FUT8: variants seen among roughly 807,000 people sequenced by gnomAD.
FUT8 encodes alpha-(1,6)-fucosyltransferase.
A neutral mutation model predicts 71.3 loss-of-function variants in FUT8; 29 were observed. That is an observed-to-expected ratio of 0.41 (90% CI 0.30 to 0.55). FUT8 has a LOEUF of 0.55. FUT8 is among the 20% of genes least tolerant of loss of function. FUT8 has a pLI of 0.34. For missense variants in FUT8, 544 were observed against 702.1 expected (o/e 0.77, Z 2.55); for synonymous variants, 254 against 239.3 (o/e 1.06, Z -0.57).
intron 9 of FUT8, among the ~76,000 whole-genome samples, chr14:65,727,966 C>T (rs1895768534): frequency 6.6e-6 from 1 of 152,204 alleles, no homozygotes; most frequent in South Asian, 2.1e-4. Flanking sequence ...CTGCCAGTCT[C>T]TTTGCTAAAA....
At chr14:65,544,430 A>C (rs944277086) in intron 2 of FUT8, among the ~76,000 whole-genome samples, 2 of 152,160 alleles carry the variant, frequency 1.3e-5, no homozygotes, top group African/African-American at 4.8e-5. Context: ...GGTGCCAATC[A>C]AGTATATATT....
At chr14:65,381,442 C>T in the FUT8 span, among the ~76,000 whole-genome samples, 1 of 152,198 alleles carries the variant, frequency 6.6e-6, no homozygotes, top group Non-Finnish European at 1.5e-5. Flanking sequence ...ATTTTTGCTT[C>T]TTATTCCATC....
chr14:65,711,538 T>C (rs986979274), intron 7 of FUT8, among the ~76,000 whole-genome samples: 2 of 152,210 alleles, frequency 1.3e-5, no homozygotes, highest in South Asian at 2.1e-4. Flanking sequence ...TTCTTCTTTT[T>C]CTTACATGCA....
At chr14:65,633,011 C>T (rs1331973814) in intron 6 of FUT8, among the ~76,000 whole-genome samples, 1 of 146,570 alleles carries the variant, frequency 6.8e-6, no homozygotes, top group Non-Finnish European at 1.5e-5. Flanking sequence ...CCCTCCCCCC[C>T]CCCGTCTCCC....
At chr14:65,609,175 G>C (rs1197970116) in intron 3 of FUT8, among the ~76,000 whole-genome samples, 1 of 151,394 alleles carries the variant, frequency 6.6e-6, no homozygotes, top group East Asian at 1.9e-4. Flanking sequence ...CGCTCCTGTA[G>C]TCCCAGCTAC....
intron 6 of FUT8, among the ~76,000 whole-genome samples, chr14:65,648,595 G>GT (rs1566873907): frequency 6.6e-6 from 1 of 152,172 alleles, no homozygotes; most frequent in Non-Finnish European, 1.5e-5. Context: ...ATGTAGTCAT[G>GT]TTACCGATGA....
At chr14:65,579,403 C>T (rs955748643) in intron 3 of FUT8, among the ~76,000 whole-genome samples, 1 of 152,038 alleles carries the variant, frequency 6.6e-6, no homozygotes, top group Non-Finnish European at 1.5e-5. Flanking sequence ...TGAAAATGGC[C>T]ACTTGAATCA....
intron 7 of FUT8, among the ~76,000 whole-genome samples, chr14:65,717,095 C>G (rs1481457401): frequency 8.0e-6 from 1 of 125,220 alleles, no homozygotes; most frequent in African/African-American, 3.1e-5. Flanking sequence ...GAGGCGTTCC[C>G]CACTTCCCAG....
chr14:65,646,045 A>G (rs564714487), intron 6 of FUT8: 14 of 152,346 alleles, frequency 9.2e-5, no homozygotes, highest in African/African-American at 3.1e-4. Flanking sequence ...GAATCCTGAG[A>G]GACAGATATC....
At chr14:65,651,044 A>T (rs1462973272) in intron 6 of FUT8, among the ~76,000 whole-genome samples, 2 of 152,180 alleles carry the variant, frequency 1.3e-5, no homozygotes, top group Non-Finnish European at 2.9e-5. Flanking sequence ...GAAACTGTGG[A>T]TGGAGCTGCA....
chr14:65,525,184 G>A (rs146586463), intron 2 of FUT8, among the ~76,000 whole-genome samples: 10 of 151,832 alleles, frequency 6.6e-5, no homozygotes, highest in African/African-American at 1.7e-4. Flanking sequence ...TTGTGAATCC[G>A]TCTGGTCCTG....
At chr14:65,686,680 G>T (rs960460098) in intron 7 of FUT8, among the ~76,000 whole-genome samples, 6 of 152,080 alleles carry the variant, frequency 3.9e-5, no homozygotes, top group Admixed American at 6.6e-5. Context: ...TTTGATTTAA[G>T]TCTTAAAAGT....
At chr14:65,422,896 G>A (rs997082819) in intron 1 of FUT8, among the ~76,000 whole-genome samples, 1 of 151,136 alleles carries the variant, frequency 6.6e-6, no homozygotes, top group African/African-American at 2.4e-5. Flanking sequence ...GGCCTCAAAC[G>A]ATCCTCCTGC....
In FUT8 at chr14:65,629,535, G is replaced by T. The variant is rs1890067207; in HGVS notation, c.526G>T (p.Ala176Ser). 1 of 1,613,766 alleles carries T rather than the reference G, an allele frequency of 6.2e-7. No individual in the cohort carries two copies. The highest frequency in any genetic ancestry group is 1.7e-5 in the Admixed American group (1 of 60,008). The change falls in exon 6 of 11, where the codon GCA becomes TCA. Residue 176 changes from alanine (A) to serine (S), a missense_variant. By Grantham distance (99) the Ala-to-Ser change is moderately conservative. Transcript: ENST00000673929. ...ATACTACCTCAGTCAGACAGATGGA[G>T]CAGGTGATTGGCGGGAAAAAGAGGC... The part of the protein sequence containing the change: ...DLYYLSQTDG[A>S]GDWREKEAKD...
chr14:65,726,003 C>T (rs1045800247), intron 9 of FUT8, among the ~76,000 whole-genome samples: 6 of 152,174 alleles, frequency 3.9e-5, no homozygotes, highest in African/African-American at 7.2e-5. Context: ...CATATACATG[C>T]GCGCATGCGT....
chr14:65,734,409 G>T (rs1774936877), intron 10 of FUT8, among the ~76,000 whole-genome samples: 1 of 152,156 alleles, frequency 6.6e-6, no homozygotes, highest in Non-Finnish European at 1.5e-5. Flanking sequence ...TTTTTGGAAA[G>T]ATACCTTGCC....
chr14:65,362,849 C>T, the FUT8 span, among the ~76,000 whole-genome samples: 1 of 151,590 alleles, frequency 6.6e-6, no homozygotes, highest in Admixed American at 6.6e-5. Context: ...GTAGTCCCAG[C>T]TACTCAGGAG....
chr14:65,433,924 C>T (rs1304923745), intron 1 of FUT8, among the ~76,000 whole-genome samples: 1 of 152,080 alleles, frequency 6.6e-6, no homozygotes, highest in Admixed American at 6.5e-5. Flanking sequence ...TCAGCCTCCT[C>T]AGTAGCTAGG....
intron 6 of FUT8, among the ~76,000 whole-genome samples, chr14:65,659,214 A>G (rs1891842700): frequency 2.0e-5 from 3 of 152,096 alleles, no homozygotes; most frequent in Admixed American, 2.0e-4. Flanking sequence ...CATTAAAAAA[A>G]CAATAATAGC....
Sources: allele counts gnomAD v4.1 joint callset (sites outside exome capture counted in the v4.1 genomes callset), GRCh38; gene constraint gnomAD v4.1.1; transcripts MANE v1.5; gene names NCBI Gene and HGNC (gene_info 2026-07-23, HGNC 2026-07-21).